Variants in ZCCHC17 observed in about 807,000 individuals in gnomAD.
ZCCHC17 encodes zinc finger CCHC domain-containing protein 17.
A neutral mutation model predicts 30.6 loss-of-function variants in ZCCHC17; 18 were observed. That is an observed-to-expected ratio of 0.59 (90% CI 0.41 to 0.87). The LOEUF (loss-of-function observed/expected upper bound fraction) is 0.87. Among genes scored for constraint, ZCCHC17 ranks in the 40% least tolerant of loss-of-function variants. ZCCHC17 has a pLI of 0.00. For synonymous variants in ZCCHC17, 88 were observed against 92.4 expected (o/e 0.95, Z 0.27); for missense variants, 263 against 284.2 (o/e 0.93, Z 0.54).
At chr1:31,304,721 G>A (rs1248819905) in intron 1 of ZCCHC17, among the ~76,000 whole-genome samples, 3 of 151,780 alleles carry the variant, frequency 2.0e-5, no homozygotes, top group African/African-American at 4.8e-5. Context: ...TCAGCCTGCC[G>A]AGTAGCTGGG....
chr1:31,348,799 T>C, intron 6 of ZCCHC17, 30 bp from the exon 7 acceptor site: 2 of 1,611,958 alleles, frequency 1.2e-6, no homozygotes, highest in Non-Finnish European at 1.7e-6. Context: ...TACTTCCTTT[T>C]TCTATACCTT....
chr1:31,304,297 G>A (rs2148406239), intron 1 of ZCCHC17, among the ~76,000 whole-genome samples: 1 of 149,764 alleles, frequency 6.7e-6, no homozygotes, highest in South Asian at 2.1e-4. Context: ...TTCTGAGACA[G>A]AGTCTCTGTT....
chr1:31,333,664 G>T (rs1472044246), intron 3 of ZCCHC17, among the ~76,000 whole-genome samples: 1 of 152,142 alleles, frequency 6.6e-6, no homozygotes, highest in Non-Finnish European at 1.5e-5. Flanking sequence ...TAGCGTAAAA[G>T]AGCAAAATAT....
intron 2 of ZCCHC17, among the ~76,000 whole-genome samples, chr1:31,313,031 T>G (rs1646642842): frequency 6.6e-6 from 1 of 150,548 alleles, no homozygotes; most frequent in Non-Finnish European, 1.5e-5. Flanking sequence ...CCTCCCAAAG[T>G]GCTGGGATTA....
chr1:31,334,686 TTAG>T (rs1638744768), intron 3 of ZCCHC17, among the ~76,000 whole-genome samples: 1 of 152,104 alleles, frequency 6.6e-6, no homozygotes, highest in African/African-American at 2.4e-5. Flanking sequence ...CTTTTGTTAT[TTAG>T]TATGGGAAAA....
At position 31,364,752 on chromosome 1, in the gene ZCCHC17, C is replaced by A. The variant is rs1034490239; in HGVS notation, c.*559C>A. On this transcript the variant is annotated 3_prime_UTR_variant, in exon 8 of 8. Transcript: ENST00000344147. ...TATGCTAGAAGTGGCATCCAGCGGC[C>A]ACAGCTAGAAAACAGTCTGCAGTGT... The A allele has an allele frequency of 1.3e-5, 2 of 153,314 alleles. No individual in the cohort carries two copies. Among genetic ancestry groups the A allele is most frequent in the African/African-American group, 2.4e-5 (1 of 41,456 alleles). 9.5% of individuals were successfully genotyped at this position (153,314 alleles called of 1,614,324 possible).
chr1:31,298,288 A>T, intron 1 of ZCCHC17, among the ~76,000 whole-genome samples: 1 of 152,030 alleles, frequency 6.6e-6, no homozygotes, highest in East Asian at 1.9e-4. Flanking sequence ...TTTCTGGCTT[A>T]TGTAGTTGAA....
At chr1:31,331,853 G>T (rs944636399) in intron 3 of ZCCHC17, among the ~76,000 whole-genome samples, 7 of 151,692 alleles carry the variant, frequency 4.6e-5, no homozygotes, top group African/African-American at 1.5e-4. Context: ...CTCCTGATCC[G>T]CCTGCCTCAG....
At position 31,346,576 on chromosome 1, in the gene ZCCHC17, A is replaced by AGTTGTATGTAGTATCTCTGG. The variant is rs1313001435; in HGVS notation, c.318-64_318-63insGTTGTATGTAGTATCTCTGG. 604 of 1,505,504 alleles carry AGTTGTATGTAGTATCTCTGG rather than the reference A, an allele frequency of 4.0e-4. 2 individuals are homozygous for AGTTGTATGTAGTATCTCTGG. The highest frequency in any genetic ancestry group is 2.4e-3 in the Middle Eastern group (12 of 4,900). The allele number at this position is 1,505,504 out of a possible 1,614,324, so 93.3% of individuals were successfully genotyped here. On this transcript the variant is annotated intron_variant, in intron 5 of 7. Transcript: ENST00000344147. The stretch of plus-strand genomic sequence containing the variant: ...AAACAAAAAACCAACATACAACCTT[A>AGTTGTATGTAGTATCTCTGG]CCTTGTAGTATCTCTGGCCATATCT...
intron 3 of ZCCHC17, among the ~76,000 whole-genome samples, chr1:31,320,904 A>G (rs1646844651): frequency 6.6e-6 from 1 of 152,106 alleles, no homozygotes; most frequent in African/African-American, 2.4e-5. Flanking sequence ...CCTACCAGCA[A>G]TGTATGAGGG....
intron 7 of ZCCHC17, among the ~76,000 whole-genome samples, chr1:31,360,740 T>C (rs1302724551): frequency 1.3e-5 from 2 of 152,296 alleles, no homozygotes; most frequent in East Asian, 3.9e-4. Context: ...AAAGTGGAAA[T>C]AGTGCCAAAC....
At chr1:31,301,518 G>A (rs1646311659) in intron 1 of ZCCHC17, among the ~76,000 whole-genome samples, 2 of 152,198 alleles carry the variant, frequency 1.3e-5, no homozygotes, top group South Asian at 2.1e-4. Flanking sequence ...GAGAAGTAAA[G>A]CTCTTAGATT....
At chr1:31,304,972 T>A (rs1435297444) in intron 1 of ZCCHC17, among the ~76,000 whole-genome samples, 1 of 152,182 alleles carries the variant, frequency 6.6e-6, no homozygotes, top group Non-Finnish European at 1.5e-5. Flanking sequence ...GTAAACTGGA[T>A]CAAAGCAGAA....
chr1:31,357,836 A>C (rs1311409063), intron 7 of ZCCHC17, among the ~76,000 whole-genome samples: 1 of 150,522 alleles, frequency 6.6e-6, no homozygotes, highest in Non-Finnish European at 1.5e-5. Flanking sequence ...GCTCACTGCA[A>C]CCTCTGCCTC....
chr1:31,321,567 T>A (rs1002802751), intron 3 of ZCCHC17, among the ~76,000 whole-genome samples: 3 of 152,208 alleles, frequency 2.0e-5, no homozygotes, highest in Non-Finnish European at 4.4e-5. Context: ...CTCTGCCTCC[T>A]GAGTTCAAGT....
chr1:31,308,029 A>G (rs1311399715), intron 1 of ZCCHC17, among the ~76,000 whole-genome samples: 2 of 152,220 alleles, frequency 1.3e-5, no homozygotes, highest in Non-Finnish European at 2.9e-5. Flanking sequence ...AACCTGATAG[A>G]TTAGTAACTC....
At position 31,322,497 on chromosome 1, in the gene ZCCHC17, G is replaced by A. The variant is rs547225396; in HGVS notation, c.124+3331G>A. Among the ~76,000 whole-genome samples the A allele has an allele frequency of 5.3e-5, 8 of 152,326 alleles. No homozygotes were observed. In the South Asian group the frequency reaches 1.7e-3, roughly 32 times the overall value. On this transcript the variant is annotated intron_variant, in intron 3 of 7. Coordinates refer to ENST00000344147, the MANE Select transcript of ZCCHC17 (RefSeq NM_016505.4). ...AGTCAGATGAAGAAGTACACAGGGT[G>A]AGACCCAAAGTGTTCCGAGTACAAA...
At chr1:31,337,738 C>T (rs1638877306) in intron 4 of ZCCHC17, among the ~76,000 whole-genome samples, 1 of 152,002 alleles carries the variant, frequency 6.6e-6, no homozygotes, top group Non-Finnish European at 1.5e-5. Flanking sequence ...TCTGAAGGAC[C>T]CTGTTACTCA....
chr1:31,340,272 G>A lies in ZCCHC17; in HGVS notation c.317+1224G>A, dbSNP rs541469142. Among the ~76,000 whole-genome samples, 4 of 148,858 alleles carry A rather than the reference G, an allele frequency of 2.7e-5. No homozygotes were observed. In the East Asian group the frequency reaches 7.9e-4, roughly 29 times the overall value. ...CTTCTTTCTTAAATTTCTCATCGGA[G>A]GTTCTTGGATCCCTAAAGTCTCTTA... On this transcript the variant is annotated intron_variant, in intron 5 of 7. Coordinates refer to ENST00000344147, the MANE Select transcript of ZCCHC17 (RefSeq NM_016505.4).
Sources: allele counts gnomAD v4.1 joint callset (sites outside exome capture counted in the v4.1 genomes callset), GRCh38; gene constraint gnomAD v4.1.1; transcripts MANE v1.5; gene names NCBI Gene and HGNC (gene_info 2026-07-23, HGNC 2026-07-21).